Variants in HIP1 observed in about 807,000 individuals in gnomAD.
HIP1 encodes huntingtin interacting protein 1.
Under a neutral mutation model 147.6 loss-of-function variants are expected in HIP1, and 65 were observed. The ratio of observed to expected loss-of-function variants is 0.44; its 90% CI spans 0.36 to 0.54. The LOEUF (loss-of-function observed/expected upper bound fraction) is 0.54, where lower values mean the gene tolerates loss of function less well. HIP1 is among the 20% of genes least tolerant of loss of function. The pLI, the probability that HIP1 is intolerant of heterozygous loss-of-function variation, is 0.00. For missense variants in HIP1, 1,061 were observed against 1,299.6 expected (o/e 0.82, Z 2.82); for synonymous variants, 479 against 504.0 (o/e 0.95, Z 0.67).
At chr7:75,700,708 A>G (rs1297393135) in intron 1 of HIP1, among the ~76,000 whole-genome samples, 7 of 149,098 alleles carry the variant, frequency 4.7e-5, no homozygotes, top group South Asian at 2.1e-4. Flanking sequence ...CCAGGTGAAC[A>G]CTTTTTTTTT....
chr7:75,685,273 C>A (rs781849706), intron 1 of HIP1, among the ~76,000 whole-genome samples: 2 of 152,030 alleles, frequency 1.3e-5, no homozygotes, highest in Non-Finnish European at 2.9e-5. Flanking sequence ...AAAAGCCAAA[C>A]TTCTATTTCC....
intron 1 of HIP1, among the ~76,000 whole-genome samples, chr7:75,706,492 TTA>T (rs1554519747): frequency 1.2e-3 from 182 of 145,874 alleles, no homozygotes; most frequent in African/African-American, 4.5e-3. Flanking sequence ...TATTTTTTTT[TTA>T]TTTTTTTATT....
chr7:75,662,351 T>C (rs1554513776), intron 1 of HIP1, among the ~76,000 whole-genome samples: 1 of 151,774 alleles, frequency 6.6e-6, no homozygotes, highest in Admixed American at 6.6e-5. Flanking sequence ...GCCCAGCTAT[T>C]TTATTTGGTA....
At chr7:75,644,380 C>T (rs980549999) in intron 1 of HIP1, among the ~76,000 whole-genome samples, 11 of 152,044 alleles carry the variant, frequency 7.2e-5, no homozygotes, top group African/African-American at 1.4e-4. Context: ...CTGCAACCTC[C>T]GCCTCCCAGG....
chr7:75,561,708 T>A (rs1554494584), intron 12 of HIP1, among the ~76,000 whole-genome samples: 1 of 152,206 alleles, frequency 6.6e-6, no homozygotes, highest in African/African-American at 2.4e-5. Context: ...AGTGGCACGA[T>A]CATAGCTCAC....
intron 29 of HIP1, among the ~76,000 whole-genome samples, chr7:75,541,662 C>G (rs1317115414): frequency 2.0e-5 from 3 of 151,714 alleles, no homozygotes; most frequent in African/African-American, 7.3e-5. Context: ...CGCCACTGCA[C>G]TCCAGTCTGG....
chr7:75,617,640 G>A (rs1425435304), intron 1 of HIP1, among the ~76,000 whole-genome samples: 1 of 152,178 alleles, frequency 6.6e-6, no homozygotes, highest in East Asian at 1.9e-4. Flanking sequence ...TTTCAAAGGG[G>A]CCTGGAATGT....
chr7:75,595,147 T>C (rs1285669070), intron 2 of HIP1, among the ~76,000 whole-genome samples: 1 of 152,088 alleles, frequency 6.6e-6, no homozygotes, highest in African/African-American at 2.4e-5. Context: ...TAAACAGATG[T>C]TTGGGTCTGG....
At chr7:75,669,214 A>G (rs1472536045) in intron 1 of HIP1, among the ~76,000 whole-genome samples, 1 of 137,710 alleles carries the variant, frequency 7.3e-6, no homozygotes, top group Non-Finnish European at 1.6e-5. Context: ...AAAAAAAAAA[A>G]TACAAAAAAT....
intron 1 of HIP1, among the ~76,000 whole-genome samples, chr7:75,726,273 A>G (rs1285860327): frequency 2.1e-5 from 3 of 140,764 alleles, no homozygotes; most frequent in Non-Finnish European, 3.0e-5. Flanking sequence ...TCCCACCTGC[A>G]GTGCCTGGGC....
At chr7:75,573,633 G>A in intron 8 of HIP1, 128 bp downstream of exon 8, 1 of 925,488 alleles carries the variant, frequency 1.1e-6, no homozygotes, top group Non-Finnish European at 1.6e-6. Context: ...AAGCTCCGGG[G>A]CCTTTTGGAA....
chr7:75,589,101 G>T (rs1217781363), intron 4 of HIP1, among the ~76,000 whole-genome samples: 2 of 150,566 alleles, frequency 1.3e-5, no homozygotes, highest in Admixed American at 6.7e-5. Context: ...AGTGAGCAGA[G>T]ATCGTGCCAT....
intron 1 of HIP1, among the ~76,000 whole-genome samples, chr7:75,720,230 G>A (rs1801457877): frequency 7.2e-5 from 11 of 152,042 alleles, no homozygotes; most frequent in Admixed American, 7.2e-4. Context: ...GTGTGATCTT[G>A]GCTCACTGCA....
chr7:75,706,478 T>TC (rs1220696476), intron 1 of HIP1, among the ~76,000 whole-genome samples: 1 of 145,400 alleles, frequency 6.9e-6, no homozygotes, highest in African/African-American at 2.7e-5. Context: ...ATCTTCTTTT[T>TC]TTTTATTTTT....
chr7:75,623,988 G>A (rs979213703), intron 1 of HIP1, among the ~76,000 whole-genome samples: 6 of 152,180 alleles, frequency 3.9e-5, no homozygotes, highest in Non-Finnish European at 7.4e-5. Context: ...CTTGAGGGCA[G>A]GAGGATCACT....
chr7:75,645,579 C>T (rs1554511041), intron 1 of HIP1, among the ~76,000 whole-genome samples: 1 of 152,110 alleles, frequency 6.6e-6, no homozygotes, highest in Non-Finnish European at 1.5e-5. Flanking sequence ...CCTGGCAATT[C>T]CATTACTGGG....
At chr7:75,629,081 G>C (rs1798131386) in intron 1 of HIP1, among the ~76,000 whole-genome samples, 1 of 152,154 alleles carries the variant, frequency 6.6e-6, no homozygotes, top group Non-Finnish European at 1.5e-5. Context: ...CCCAGAATAC[G>C]AGGCTGAACT....
At chr7:75,675,092 C>T (rs1051384721) in intron 1 of HIP1, among the ~76,000 whole-genome samples, 6 of 152,068 alleles carry the variant, frequency 3.9e-5, no homozygotes, top group Non-Finnish European at 2.9e-5. Context: ...GATAGTGTCC[C>T]GCAGGTCATT....
intron 1 of HIP1, among the ~76,000 whole-genome samples, chr7:75,667,161 C>T (rs2117234834): frequency 6.6e-6 from 1 of 151,964 alleles, no homozygotes; most frequent in Non-Finnish European, 1.5e-5. Flanking sequence ...TTTAAAATAG[C>T]CACTGGGATG....
Sources: gnomAD v4.1 joint callset for allele counts (sites outside exome capture counted in the v4.1 genomes callset) on GRCh38, gnomAD v4.1.1 for gene constraint, MANE v1.5 for transcripts, NCBI Gene and HGNC (gene_info 2026-07-23, HGNC 2026-07-21) for gene names.